Variants in IL20 observed in about 807,000 individuals in gnomAD.
IL20 encodes the protein interleukin-20.
Under a neutral mutation model 19.2 loss-of-function variants are expected in IL20, and 22 were observed. That is an observed-to-expected ratio of 1.15 (90% CI 0.82 to 1.64). IL20 has a LOEUF of 1.64. IL20 is among the 40% of genes most tolerant of loss of function. IL20 has a pLI of 0.00. For synonymous variants in IL20, 70 were observed against 76.2 expected (o/e 0.92, Z 0.43); for missense variants, 215 against 212.8 (o/e 1.01, Z -0.06).
At chr1:206,864,050 C>A (rs577906712), upstream of IL20, among the ~76,000 whole-genome samples, 1 of 152,290 alleles carries the variant, frequency 6.6e-6, no homozygotes, top group African/African-American at 2.4e-5. Flanking sequence ...CCAACTCATT[C>A]CAGTTTACCT....
intron 4 of IL20, 133 bp from the exon 5 acceptor site, chr1:206,867,251 C>T: frequency 1.5e-6 from 1 of 686,920 alleles, no homozygotes. Flanking sequence ...AATGTGAGGT[C>T]TGAAAGAGCT....
Position 206,866,001 on chromosome 1 carries a change from G to A in IL20, c.149G>A (p.Arg50Gln), listed in dbSNP as rs367789849. The A allele has an allele frequency of 7.4e-6, 12 of 1,613,894 alleles. No individual in the cohort carries two copies. The highest frequency in any genetic ancestry group is 6.7e-5 in the African/African-American group (5 of 74,876). ...QEIRNGFSEI[R>Q]GSVQAKDGNI... ...ATACGAAATGGATTTTCTGAGATAC[G>A]GGGCAGTGTGGTACGTAAGCGGGTA... Residue 50 changes from arginine (R) to glutamine (Q), a missense_variant, in exon 2 of 6, where the codon CGG becomes CAG. By Grantham distance (43) the Arg-to-Gln change is conservative. Transcript: ENST00000367098.
intron 4 of IL20, 66 bp downstream of exon 4, chr1:206,866,702 C>T: frequency 6.9e-7 from 1 of 1,444,764 alleles, no homozygotes; most frequent in Non-Finnish European, 9.6e-7. Context: ...AGCAACTAAA[C>T]TCTCTTTCCT....
rs1677550008 is a variant in IL20, at chr1:206,866,473, G to GT, written c.226-5dup. On this transcript the variant is annotated splice_polypyrimidine_tract_variant and intron_variant, in intron 3 of 5. Coordinates refer to ENST00000367098, the MANE Select transcript of IL20 (RefSeq NM_018724.4). ...CTTTCCCCTCACCAATATACCTGTG[G>GT]TTTTTTGCAGCCTGCGAATCGATGC... The GT allele has an allele frequency of 1.9e-6, 3 of 1,614,036 alleles. No individual in the cohort carries two copies. Among genetic ancestry groups the GT allele is most frequent in the South Asian group, 2.2e-5 (2 of 91,044 alleles).
intron 5 of IL20, 106 bp downstream of exon 5, chr1:206,867,564 CA>C: frequency 1.1e-6 from 1 of 938,806 alleles, no homozygotes; most frequent in Non-Finnish European, 1.7e-6. Flanking sequence ...CCTTCAGGTT[CA>C]TAGCCCTCTG....
chr1:206,866,714 C>A, intron 4 of IL20, 78 bp downstream of exon 4: 1 of 1,373,822 alleles, frequency 7.3e-7, no homozygotes, highest in Non-Finnish European at 1.0e-6. Context: ...CTCTTTCCTA[C>A]CTCCATTTAA....
rs1302621417 is a variant in IL20, at chr1:206,866,077, C to T, written c.159+66C>T. Reference sequence around the variant, plus strand: ...CTTCCTTCCTTGTCCGTTTCTCTTTCCTGGCAGTACTGGCAGTGTAATCAT... The same window carrying T: ...CTTCCTTCCTTGTCCGTTTCTCTTTTCTGGCAGTACTGGCAGTGTAATCAT... On this transcript the variant is annotated intron_variant, in intron 2 of 5. Coordinates refer to ENST00000367098, the MANE Select transcript of IL20 (RefSeq NM_018724.4). 4 of 1,474,492 alleles carry T rather than the reference C, an allele frequency of 2.7e-6. No homozygotes were observed. The African/African-American group carries it at 5.6e-5, about 20-fold the overall frequency. 91.3% of individuals were successfully genotyped at this position (1,474,492 alleles called of 1,614,324 possible). A position where few individuals can be genotyped will look rare whatever the true frequency, so the allele number is the denominator to read the frequency against.
Position 206,866,556 on chromosome 1 carries a change from A to T in IL20, c.298A>T (p.Thr100Ser). ...YLDRVFKNYQ[T>S]PDHYTLRKIS... Reference sequence around the variant, plus strand: ...GGACAGGGTATTTAAAAACTACCAGACCCCTGACCATTATACTCTCCGGAA... The same window carrying T: ...GGACAGGGTATTTAAAAACTACCAGTCCCCTGACCATTATACTCTCCGGAA... Residue 100 changes from threonine to serine, a missense_variant, in exon 4 of 6, where the codon ACC (threonine) becomes TCC (serine). Thr to Ser is a moderately conservative substitution (Grantham distance 58). Transcript: ENST00000367098. 1.9e-6 allele frequency: 3 copies of T among 1,613,990 alleles called. No individual in the cohort carries two copies. Among genetic ancestry groups the T allele is most frequent in the Non-Finnish European group, 2.5e-6 (3 of 1,179,950 alleles).
chr1:206,867,457 A>G lies in IL20; in HGVS notation c.452A>G (p.Lys151Arg), dbSNP rs1351182072. ...KYSQILSHFEKLEPQAAVVKA... is the reference protein window; with the variant it reads ...KYSQILSHFERLEPQAAVVKA... ...AGCCAGATTCTGAGTCACTTTGAAA[A>G]GGTATATGCGACTTTGGCATTGATT... Residue 151 changes from lysine to arginine, a missense_variant and splice_region_variant, in exon 5 of 6, where the codon AAG becomes AGG. By Grantham distance (26) the Lys-to-Arg change is conservative (BLOSUM62 2). Transcript: ENST00000367098. 1.9e-6 allele frequency: 3 copies of G among 1,612,564 alleles called. No homozygotes were observed. Among genetic ancestry groups the G allele is most frequent in the South Asian group, 2.2e-5 (2 of 91,032 alleles).
At chr1:206,864,773 T>C (rs74148875), upstream of IL20, among the ~76,000 whole-genome samples, 1,572 of 152,300 alleles carry the variant, frequency 0.01, 24 homozygotes, top group African/African-American at 0.036. Context: ...TGATATTTTG[T>C]TTGTCATAAG....
At position 206,866,616 on chromosome 1, in the gene IL20, A is replaced by C. The variant is rs1230114246; in HGVS notation, c.358A>C (p.Lys120Gln). 6.2e-7 allele frequency: 1 copy of C among 1,614,068 alleles called. No individual in the cohort carries two copies. Among genetic ancestry groups the C allele is most frequent in the East Asian group, 2.2e-5 (1 of 44,884 alleles). ...CCTCGCCAATTCCTTTCTTACCATC[A>C]AGAAGGACCTCCGGCTCTGTGTGAG... Reference protein sequence around the residue: ...SSLANSFLTIKKDLRLCHAHM... With the variant: ...SSLANSFLTIQKDLRLCHAHM... Residue 120 changes from lysine to glutamine, a missense_variant, in exon 4 of 6, where the codon AAG becomes CAG. Physicochemically the swap from Lys to Gln is moderately conservative, Grantham distance 53. Transcript: ENST00000367098.
At position 206,865,736 on chromosome 1, in the gene IL20, T is replaced by G; in HGVS notation, c.-31+50T>G. The G allele has an allele frequency of 6.7e-7, 1 of 1,485,464 alleles. No individual in the cohort carries two copies. Among genetic ancestry groups the G allele is most frequent in the Non-Finnish European group, 8.9e-7 (1 of 1,118,834 alleles). 92.0% of individuals were successfully genotyped at this position (1,485,464 alleles called of 1,614,324 possible). Reference sequence around the variant, plus strand: ...TGTCTGAGGCCAGATAAGGCTGTTCTCTTCCCCTGACCCCCCACCCCTCAC... The same window carrying G: ...TGTCTGAGGCCAGATAAGGCTGTTCGCTTCCCCTGACCCCCCACCCCTCAC... On this transcript the variant is annotated intron_variant, in intron 1 of 5. Coordinates refer to ENST00000367098, the MANE Select transcript of IL20 (RefSeq NM_018724.4). The surrounding 1 kb of genome is among the most constrained non-coding windows in gnomAD (Gnocchi z 4.1).
chr1:206,864,388 T>C (rs1339178448), upstream of IL20, among the ~76,000 whole-genome samples: 1 of 152,142 alleles, frequency 6.6e-6, no homozygotes, highest in East Asian at 1.9e-4. Flanking sequence ...GCCAGCCATA[T>C]ATATATGGAT....
At chr1:206,867,916 C>G (rs1302727676) in intron 5 of IL20, among the ~76,000 whole-genome samples, 1 of 152,174 alleles carries the variant, frequency 6.6e-6, no homozygotes, top group Non-Finnish European at 1.5e-5. Context: ...GCCTGGGCAT[C>G]ACTTTCAGGA....
chr1:206,867,306 G>T, intron 4 of IL20, 78 bp from the exon 5 acceptor site: 1 of 1,224,050 alleles, frequency 8.2e-7, no homozygotes, highest in East Asian at 2.4e-5. Flanking sequence ...TGAAAGAGTA[G>T]AGTTTCTGCC....
At chr1:206,865,394 C>T (rs1677517899), upstream of IL20, 1 of 541,014 alleles carries the variant, frequency 1.8e-6, no homozygotes, top group Non-Finnish European at 2.4e-6. The surrounding 1 kb of genome is among the most constrained non-coding windows in gnomAD (Gnocchi z 4.1). Context: ...GATTTCTCCC[C>T]AGTTCCCCTG....
At chr1:206,867,238 C>A (rs1677577274) in intron 4 of IL20, 146 bp from the exon 5 acceptor site, 1 of 621,514 alleles carries the variant, frequency 1.6e-6, no homozygotes, top group Non-Finnish European at 2.8e-6. Flanking sequence ...CTTAGTGATT[C>A]CAAATGTGAG....
At position 206,868,484 on chromosome 1, in the gene IL20, C is replaced by T. The variant is rs1444422482; in HGVS notation, c.454-3C>T. 6.3e-7 allele frequency: 1 copy of T among 1,588,390 alleles called. No individual in the cohort carries two copies. The highest frequency in any genetic ancestry group is 8.6e-7 in the Non-Finnish European group (1 of 1,166,814). On this transcript the variant is annotated splice_region_variant and splice_polypyrimidine_tract_variant and intron_variant, in intron 5 of 5. Coordinates refer to ENST00000367098, the MANE Select transcript of IL20 (RefSeq NM_018724.4). ...TAACCACATGGGTGTGTGTCTCTTTCAGCTGGAACCTCAGGCAGCAGTTGT... is the reference window on the plus strand; with the variant it reads ...TAACCACATGGGTGTGTGTCTCTTTTAGCTGGAACCTCAGGCAGCAGTTGT...
intron 5 of IL20, 122 bp downstream of exon 5, chr1:206,867,580 C>A (rs1379483456): frequency 2.5e-6 from 2 of 805,972 alleles, no homozygotes; most frequent in Admixed American, 4.1e-5. Context: ...CCTCTGAAAT[C>A]ATGAGGACCA....
Sources: gnomAD v4.1 joint callset for allele counts (sites outside exome capture counted in the v4.1 genomes callset) on GRCh38, gnomAD v4.1.1 for gene constraint, Gnocchi (gnomAD v3.1) non-coding constraint, MANE v1.5 for transcripts, NCBI Gene and HGNC (gene_info 2026-07-23, HGNC 2026-07-21) for gene names.